The following NEXMIF variants were observed in gnomAD, a reference collection of about 807,000 sequenced individuals.
NEXMIF encodes XLMR protein related to neurite extension.
NEXMIF carries 8 observed loss-of-function variants against 62.1 expected under a neutral mutation model. The observed-to-expected ratio is 0.13, with a 90% CI of 0.08 to 0.23. The LOEUF is 0.23. Among genes scored for constraint, NEXMIF ranks in the 10% least tolerant of loss-of-function variants. The pLI, the probability that NEXMIF is intolerant of heterozygous loss-of-function variation, is 1.00. For missense variants in NEXMIF, 976 were observed against 1,113.3 expected (o/e 0.88, Z 1.75); for synonymous variants, 404 against 416.6 (o/e 0.97, Z 0.37).
chrX:74,886,379 T>C (rs1487156306), intron 1 of NEXMIF, among the ~76,000 whole-genome samples: 1 of 111,702 alleles, frequency 9.0e-6, no homozygotes, highest in Non-Finnish European at 1.9e-5. Flanking sequence ...GCAGATGACA[T>C]GATTGCATAT....
chrX:74,875,858 TA>T (rs2080629597), intron 1 of NEXMIF, among the ~76,000 whole-genome samples: 2 of 111,876 alleles, frequency 1.8e-5, no homozygotes, highest in South Asian at 7.3e-4. Context: ...TATCATTTTT[TA>T]TTGTGTCTAT....
intron 1 of NEXMIF, among the ~76,000 whole-genome samples, chrX:74,763,875 A>G (rs1436573055): frequency 1.8e-5 from 2 of 111,803 alleles, no homozygotes; most frequent in Admixed American, 9.5e-5. Flanking sequence ...GGGCTGAGAC[A>G]ATGGGGTTTT....
chrX:74,887,096 G>T (rs1389760728), intron 1 of NEXMIF, among the ~76,000 whole-genome samples: 4 of 112,296 alleles, frequency 3.6e-5, no homozygotes, highest in South Asian at 3.7e-4. Flanking sequence ...TGGCTAGCCA[G>T]ATGTAGAAAG....
chrX:74,904,122 G>C (rs1191389417), intron 1 of NEXMIF, among the ~76,000 whole-genome samples: 1 of 110,859 alleles, frequency 9.0e-6, no homozygotes, highest in Non-Finnish European at 1.9e-5. Context: ...TCCAGAATTG[G>C]CTCCCTTTGG....
intron 1 of NEXMIF, among the ~76,000 whole-genome samples, chrX:74,814,846 G>C (rs1482813563): frequency 4.5e-5 from 5 of 111,887 alleles, no homozygotes; most frequent in African/African-American, 6.5e-5. Context: ...TCTAAACAAA[G>C]TAGGCTGAGC....
At chrX:74,857,026 G>A (rs929119069) in intron 1 of NEXMIF, among the ~76,000 whole-genome samples, 2 of 112,364 alleles carry the variant, frequency 1.8e-5, no homozygotes, top group African/African-American at 6.5e-5. Flanking sequence ...GTGAGTTCTG[G>A]CAAGCTTTGC....
intron 1 of NEXMIF, among the ~76,000 whole-genome samples, chrX:74,892,039 T>C (rs1185011078): frequency 8.9e-6 from 1 of 112,521 alleles, no homozygotes; most frequent in Non-Finnish European, 1.9e-5. Context: ...TACCAAGTCC[T>C]AAATATGTAT....
At chrX:74,739,996 T>C in intron 3 of NEXMIF, 104 bp downstream of exon 3, 1 of 699,161 alleles carries the variant, frequency 1.4e-6, no homozygotes, top group Non-Finnish European at 2.1e-6. Context: ...GTTTCTTTCA[T>C]GCAAATTTTT....
chrX:74,834,892 T>G (rs758175917), intron 1 of NEXMIF, among the ~76,000 whole-genome samples: 15 of 111,978 alleles, frequency 1.3e-4, no homozygotes, highest in African/African-American at 4.9e-4. Context: ...ATAAAATTTC[T>G]ACCTCTATCT....
chrX:74,778,321 C>T (rs183527759), intron 1 of NEXMIF, among the ~76,000 whole-genome samples: 21 of 111,884 alleles, frequency 1.9e-4, no homozygotes, highest in African/African-American at 5.5e-4. Flanking sequence ...TTCTGTGGGG[C>T]TTGTACTGAA....
At chrX:74,895,901 C>G (rs781017593) in intron 1 of NEXMIF, among the ~76,000 whole-genome samples, 6 of 108,961 alleles carry the variant, frequency 5.5e-5, no homozygotes, top group Non-Finnish European at 9.5e-5. Flanking sequence ...GAAAAAAGTT[C>G]AAGTTTCCAA....
intron 1 of NEXMIF, among the ~76,000 whole-genome samples, chrX:74,783,420 G>T (rs866130535): frequency 9.0e-6 from 1 of 111,421 alleles, no homozygotes; most frequent in Non-Finnish European, 1.9e-5. Context: ...TCCCTTGATG[G>T]CAGGGCCACC....
chrX:74,869,094 A>G (rs1249151224), intron 1 of NEXMIF, among the ~76,000 whole-genome samples: 1 of 111,883 alleles, frequency 8.9e-6, no homozygotes, highest in Non-Finnish European at 1.9e-5. Flanking sequence ...ATATACTAGC[A>G]AAGTTCAACA....
intron 1 of NEXMIF, among the ~76,000 whole-genome samples, chrX:74,848,728 T>C (rs1224623558): frequency 1.8e-5 from 2 of 112,394 alleles, no homozygotes; most frequent in Non-Finnish European, 3.8e-5. Context: ...CCCTCCAAAA[T>C]AAATATGCTG....
At chrX:74,897,224 G>A (rs1415474655) in intron 1 of NEXMIF, among the ~76,000 whole-genome samples, 3 of 111,751 alleles carry the variant, frequency 2.7e-5, no homozygotes, top group African/African-American at 9.8e-5. Context: ...AACCCAGTCT[G>A]TCTAACTCAT....
At chrX:74,787,119 A>G (rs975611235) in intron 1 of NEXMIF, among the ~76,000 whole-genome samples, 81 of 105,369 alleles carry the variant, frequency 7.7e-4, no homozygotes, top group Non-Finnish European at 1.1e-3. Flanking sequence ...AAAAAAAAAA[A>G]AAAAAGAAAA....
At chrX:74,835,653 G>A (rs1373490091) in intron 1 of NEXMIF, among the ~76,000 whole-genome samples, 1 of 111,215 alleles carries the variant, frequency 9.0e-6, no homozygotes, top group African/African-American at 3.3e-5. Flanking sequence ...TCTGGAGGTG[G>A]GGGTATGGTG....
chrX:74,828,864 T>C (rs1030983546), intron 1 of NEXMIF, among the ~76,000 whole-genome samples: 10 of 111,980 alleles, frequency 8.9e-5, no homozygotes, highest in African/African-American at 3.2e-4. Flanking sequence ...TGCTACGGAA[T>C]CAGCAGTCAA....
At chrX:74,864,149 T>C (rs1430272405) in intron 1 of NEXMIF, among the ~76,000 whole-genome samples, 2 of 111,730 alleles carry the variant, frequency 1.8e-5, no homozygotes, top group African/African-American at 6.5e-5. Flanking sequence ...GCTGGAAGCA[T>C]TCCATTTGAA....
Sources: gnomAD v4.1 joint callset for allele counts (sites outside exome capture counted in the v4.1 genomes callset) on GRCh38, gnomAD v4.1.1 for gene constraint, MANE v1.5 for transcripts, NCBI Gene and HGNC (gene_info 2026-07-23, HGNC 2026-07-21) for gene names.